ARHGAP15: variants seen among roughly 807,000 people sequenced by gnomAD.
ARHGAP15 encodes Rho GTPase activating protein 15, also known as rho GTPase-activating protein 15.
ARHGAP15 carries 51 observed loss-of-function variants against 63.7 expected under a neutral mutation model. That is an observed-to-expected ratio of 0.80 (90% CI 0.64 to 1.01). The LOEUF (loss-of-function observed/expected upper bound fraction) is 1.01, where lower values mean the gene tolerates loss of function less well. Among genes scored for constraint, ARHGAP15 ranks in the 50% least tolerant of loss-of-function variants. ARHGAP15 has a pLI of 0.00. For missense variants in ARHGAP15, 560 were observed against 564.6 expected (o/e 0.99, Z 0.08); for synonymous variants, 191 against 193.8 (o/e 0.99, Z 0.12).
intron 9 of ARHGAP15, among the ~76,000 whole-genome samples, chr2:143,494,402 G>C (rs1436551995): frequency 6.6e-6 from 1 of 152,034 alleles, no homozygotes; most frequent in Non-Finnish European, 1.5e-5. Context: ...CAAAAACTGT[G>C]TTGACCACTC....
chr2:143,540,989 T>C (rs1198927378), intron 10 of ARHGAP15, among the ~76,000 whole-genome samples: 2 of 152,230 alleles, frequency 1.3e-5, no homozygotes, highest in African/African-American at 4.8e-5. Flanking sequence ...CTTGGTTCCA[T>C]TTTCCCGCTC....
At chr2:143,496,200 C>T (rs1406137401) in intron 9 of ARHGAP15, among the ~76,000 whole-genome samples, 1 of 151,936 alleles carries the variant, frequency 6.6e-6, no homozygotes, top group Non-Finnish European at 1.5e-5. Flanking sequence ...TAATACAGTA[C>T]CACATAGTTA....
intron 13 of ARHGAP15, among the ~76,000 whole-genome samples, chr2:143,717,844 T>C (rs1439429127): frequency 6.6e-6 from 1 of 151,292 alleles, no homozygotes; most frequent in South Asian, 2.1e-4. Flanking sequence ...ACTGCATTTC[T>C]TAAAGTGGCT....
intron 12 of ARHGAP15, among the ~76,000 whole-genome samples, chr2:143,695,261 T>C (rs548891503): frequency 2.3e-4 from 35 of 152,320 alleles, no homozygotes; most frequent in African/African-American, 8.4e-4. Flanking sequence ...GAGCTTTATT[T>C]TCTCAGCACA....
chr2:143,366,548 A>C (rs1242928964), intron 6 of ARHGAP15, among the ~76,000 whole-genome samples: 1 of 152,112 alleles, frequency 6.6e-6, no homozygotes, highest in African/African-American at 2.4e-5. Flanking sequence ...TATAGTGTTG[A>C]TAATAAACAA....
At chr2:143,282,903 G>T (rs1207114917) in intron 6 of ARHGAP15, among the ~76,000 whole-genome samples, 1 of 152,070 alleles carries the variant, frequency 6.6e-6, no homozygotes, top group Non-Finnish European at 1.5e-5. Flanking sequence ...CTCCCTTGGC[G>T]TTACGCTGTA....
chr2:143,432,180 T>A (rs1041629054), intron 6 of ARHGAP15, among the ~76,000 whole-genome samples: 2 of 152,030 alleles, frequency 1.3e-5, no homozygotes, highest in Non-Finnish European at 2.9e-5. Context: ...GTATTATTCT[T>A]AGAAAAAAGA....
intron 6 of ARHGAP15, among the ~76,000 whole-genome samples, chr2:143,416,350 A>G (rs1240297085): frequency 1.3e-5 from 2 of 152,232 alleles, no homozygotes; most frequent in Non-Finnish European, 1.5e-5. Context: ...TTCAATAAAT[A>G]GCACTTTCTC....
chr2:143,434,010 C>T lies in ARHGAP15; in HGVS notation c.475-1591C>T, dbSNP rs77341577. On this transcript the variant is annotated intron_variant, in intron 6 of 13. Coordinates refer to ENST00000295095, the MANE Select transcript of ARHGAP15 (RefSeq NM_018460.4). ...ATAAAGTAAATATTTGGAACTTTATCTGAGTAGAGAACATTGCAATGGTGT... is the reference window on the plus strand; with the variant it reads ...ATAAAGTAAATATTTGGAACTTTATTTGAGTAGAGAACATTGCAATGGTGT... Among the ~76,000 whole-genome samples, 504 of 152,106 alleles carry T rather than the reference C, an allele frequency of 3.3e-3. 2 individuals are homozygous for T. Among genetic ancestry groups the T allele is most frequent in the Non-Finnish European group, 5.5e-3 (372 of 67,932 alleles).
intron 11 of ARHGAP15, among the ~76,000 whole-genome samples, chr2:143,613,302 A>G (rs1574709838): frequency 6.6e-6 from 1 of 152,222 alleles, no homozygotes; most frequent in African/African-American, 2.4e-5. Context: ...TCTATAATTA[A>G]AATGACTTCA....
intron 13 of ARHGAP15, among the ~76,000 whole-genome samples, chr2:143,709,049 T>C (rs1684458122): frequency 6.6e-6 from 1 of 152,192 alleles, no homozygotes. Flanking sequence ...TTGGAAGTAC[T>C]AGAACTTTTG....
intron 6 of ARHGAP15, among the ~76,000 whole-genome samples, chr2:143,432,981 A>T (rs1489064525): frequency 6.6e-6 from 1 of 152,040 alleles, no homozygotes; most frequent in Non-Finnish European, 1.5e-5. Flanking sequence ...GAAAGAGTAC[A>T]TTAGCACGGC....
chr2:143,507,880 T>C (rs935098772), intron 9 of ARHGAP15, among the ~76,000 whole-genome samples: 3 of 152,286 alleles, frequency 2.0e-5, no homozygotes, highest in East Asian at 1.9e-4. Flanking sequence ...ATTACTTCCA[T>C]TGGATTCATT....
chr2:143,319,462 T>A (rs1161544044), intron 6 of ARHGAP15, among the ~76,000 whole-genome samples: 1 of 152,166 alleles, frequency 6.6e-6, no homozygotes, highest in African/African-American at 2.4e-5. Context: ...CCTCAGGTGA[T>A]TCACCCGCTT....
intron 4 of ARHGAP15, among the ~76,000 whole-genome samples, chr2:143,224,074 T>A (rs1693107178): frequency 6.6e-6 from 1 of 152,162 alleles, no homozygotes; most frequent in Non-Finnish European, 1.5e-5. Context: ...AGCTTAGTAA[T>A]TAAATCACAT....
chr2:143,748,799 A>T (rs556803088), intron 13 of ARHGAP15, among the ~76,000 whole-genome samples: 1 of 152,336 alleles, frequency 6.6e-6, no homozygotes, highest in Admixed American at 6.5e-5. Context: ...TAATCAACTC[A>T]GCCTGCTGCA....
At chr2:143,417,500 A>T (rs1688740916) in intron 6 of ARHGAP15, among the ~76,000 whole-genome samples, 1 of 152,152 alleles carries the variant, frequency 6.6e-6, no homozygotes, top group Non-Finnish European at 1.5e-5. Context: ...GATACTCTTT[A>T]CTAGGTACTT....
chr2:143,257,616 C>T (rs925828808), intron 6 of ARHGAP15, among the ~76,000 whole-genome samples: 1 of 152,130 alleles, frequency 6.6e-6, no homozygotes, highest in Admixed American at 6.6e-5. Flanking sequence ...CCCTTCCTCT[C>T]ATGGAACATA....
intron 6 of ARHGAP15, among the ~76,000 whole-genome samples, chr2:143,392,458 A>T (rs1049495855): frequency 7.9e-5 from 12 of 152,216 alleles, no homozygotes; most frequent in Non-Finnish European, 1.8e-4. Context: ...TTAAAATCCT[A>T]TACATACAAT....
Sources: gnomAD v4.1 joint callset for allele counts (sites outside exome capture counted in the v4.1 genomes callset) on GRCh38, gnomAD v4.1.1 for gene constraint, MANE v1.5 for transcripts, NCBI Gene and HGNC (gene_info 2026-07-23, HGNC 2026-07-21) for gene names.